SCG3: variants seen among roughly 807,000 people sequenced by gnomAD.
SCG3 encodes the protein secretogranin III.
Under a neutral mutation model 56.2 loss-of-function variants are expected in SCG3, and 38 were observed. The observed-to-expected ratio is 0.68, with a 90% CI of 0.52 to 0.89. SCG3 has a LOEUF of 0.89. SCG3 is among the 40% of genes least tolerant of loss of function. SCG3 has a pLI of 0.00. For synonymous variants in SCG3, 176 were observed against 184.2 expected (o/e 0.96, Z 0.36); for missense variants, 524 against 540.7 (o/e 0.97, Z 0.31).
Position 51,713,392 on chromosome 15 carries a change from G to A in SCG3, c.1267G>A (p.Asp423Asn), listed in dbSNP as rs781320264. The change falls in exon 11 of 12, where the codon GAC (aspartate) becomes AAC (asparagine). Residue 423 changes from aspartate to asparagine, a missense_variant. By Grantham distance (23) the Asp-to-Asn change is conservative. Coordinates refer to ENST00000220478, the MANE Select transcript of SCG3 (RefSeq NM_013243.4). ...AAATATTGAATGGTTGAAGAAACATGACAAAAAGGGAAATAAAGAAGGTAG... is the reference window on the plus strand; with the variant it reads ...AAATATTGAATGGTTGAAGAAACATAACAAAAAGGGAAATAAAGAAGGTAG... The part of the protein sequence containing the change: ...RKNIEWLKKH[D>N]KKGNKEDYDL... The A allele has an allele frequency of 6.2e-7, 1 of 1,600,782 alleles. No homozygotes were observed. The highest frequency in any genetic ancestry group is 8.5e-7 in the Non-Finnish European group (1 of 1,174,762).
intron 10 of SCG3, among the ~76,000 whole-genome samples, chr15:51,705,128 C>T (rs2055367330): frequency 6.6e-6 from 1 of 152,066 alleles, no homozygotes; most frequent in South Asian, 2.1e-4. Context: ...AGCATTACAG[C>T]TCACCTCAAC....
At chr15:51,704,240 C>CATATATATATATAT (rs1314214604) in intron 10 of SCG3, among the ~76,000 whole-genome samples, 40 of 58,756 alleles carry the variant, frequency 6.8e-4, no homozygotes, top group South Asian at 1.6e-3. Context: ...TACATACATA[C>CATATATATATATAT]ATACATATAT....
chr15:51,714,752 T>C (rs2055442561), intron 11 of SCG3, among the ~76,000 whole-genome samples: 1 of 152,218 alleles, frequency 6.6e-6, no homozygotes, highest in Non-Finnish European at 1.5e-5. Context: ...AAGAGGTATT[T>C]TCAGCACCCT....
rs2055205450 is a variant in SCG3 at position 51,683,122 on chromosome 15, C to A, written c.179C>A (p.Pro60Gln). 2.5e-6 allele frequency: 4 copies of A among 1,608,326 alleles called. No individual in the cohort carries two copies. Among genetic ancestry groups the A allele is most frequent in the Middle Eastern group, 1.7e-4 (1 of 6,018 alleles). ...GACAAGATTAAAAAAACATATCCTC[C>A]AGGTAAAAAGAAATCATATTGATGT... is the stretch of plus-strand genomic sequence containing the variant. ...EEDKIKKTYP[P>Q]ENKPGQSNYS... Residue 60 changes from proline to glutamine, a missense_variant and splice_region_variant, in exon 3 of 12, where the codon CCA becomes CAA. Transcript: ENST00000220478.
chr15:51,704,167 C>G (rs187917600), intron 10 of SCG3, among the ~76,000 whole-genome samples: 22 of 149,114 alleles, frequency 1.5e-4, no homozygotes, highest in African/African-American at 5.4e-4. Flanking sequence ...CACTTCCATT[C>G]AACCCTAGGT....
intron 11 of SCG3, among the ~76,000 whole-genome samples, chr15:51,717,195 C>T (rs2055462262): frequency 6.6e-6 from 1 of 152,080 alleles, no homozygotes; most frequent in South Asian, 2.1e-4. Flanking sequence ...TGGTGAACCT[C>T]CATCTCTACT....
chr15:51,702,723 T>C (rs1308482580), intron 10 of SCG3, among the ~76,000 whole-genome samples: 2 of 152,260 alleles, frequency 1.3e-5, no homozygotes, highest in Non-Finnish European at 2.9e-5. Context: ...AGTTACATCA[T>C]GGAAATTTAC....
chr15:51,699,230 T>C, intron 8 of SCG3, 89 bp from the exon 9 acceptor site: 1 of 892,768 alleles, frequency 1.1e-6, no homozygotes, highest in African/African-American at 1.7e-5. Flanking sequence ...GCTATTGTGA[T>C]ATTTCTGGTG....
At chr15:51,691,082 A>G (rs1421419857) in intron 6 of SCG3, among the ~76,000 whole-genome samples, 1 of 152,226 alleles carries the variant, frequency 6.6e-6, no homozygotes, top group Non-Finnish European at 1.5e-5. Flanking sequence ...TGCTTCCCTA[A>G]GGAAGTAACT....
intron 6 of SCG3, among the ~76,000 whole-genome samples, chr15:51,690,895 T>C (rs1476981803): frequency 6.6e-6 from 1 of 152,212 alleles, no homozygotes; most frequent in African/African-American, 2.4e-5. Flanking sequence ...GGAAATACCA[T>C]GCCTATTTAA....
intron 8 of SCG3, among the ~76,000 whole-genome samples, chr15:51,696,428 T>C (rs1474112958): frequency 6.6e-6 from 1 of 152,046 alleles, no homozygotes; most frequent in Non-Finnish European, 1.5e-5. Flanking sequence ...TGCATCCCTG[T>C]AGTTCCAGCT....
chr15:51,686,532 T>G (rs774704648), intron 4 of SCG3, among the ~76,000 whole-genome samples: 1 of 152,182 alleles, frequency 6.6e-6, no homozygotes, highest in Non-Finnish European at 1.5e-5. Flanking sequence ...CACCTCTGCA[T>G]AGACTGGGGC....
chr15:51,711,947 G>C (rs2055423652), intron 10 of SCG3, among the ~76,000 whole-genome samples: 1 of 152,122 alleles, frequency 6.6e-6, no homozygotes, highest in Non-Finnish European at 1.5e-5. Context: ...GAGTCACTTA[G>C]GTAAATACAG....
Position 51,703,459 on chromosome 15 carries a change from G to T in SCG3, c.1207+2215G>T, listed in dbSNP as rs573036019. 6.6e-5 allele frequency among the ~76,000 whole-genome samples: 10 copies of T among 152,318 alleles called. No homozygotes were observed. The South Asian group carries it at 2.1e-3, about 32-fold the overall frequency. Reference sequence around the variant, plus strand: ...TGTGTAAGTTATTTCAGTTGTCGTTGTTGGTGATGATGATGACTTTATGCC... The same window carrying T: ...TGTGTAAGTTATTTCAGTTGTCGTTTTTGGTGATGATGATGACTTTATGCC... On this transcript the variant is annotated intron_variant, in intron 10 of 11. Transcript: ENST00000220478.
chr15:51,689,501 C>A, intron 6 of SCG3, 133 bp downstream of exon 6: 1 of 1,167,046 alleles, frequency 8.6e-7, no homozygotes, highest in Non-Finnish European at 1.2e-6. Flanking sequence ...CATTTTTAGC[C>A]CATTTATATT....
chr15:51,689,509 A>G, intron 6 of SCG3, 141 bp downstream of exon 6: 2 of 1,103,876 alleles, frequency 1.8e-6, no homozygotes, highest in South Asian at 1.7e-5. Flanking sequence ...GCCCATTTAT[A>G]TTCAGGCCAG....
At chr15:51,684,384 C>A (rs1472939291) in intron 4 of SCG3, among the ~76,000 whole-genome samples, 1 of 152,206 alleles carries the variant, frequency 6.6e-6, no homozygotes, top group Non-Finnish European at 1.5e-5. Context: ...CAAGACCAAC[C>A]TGGCCAACAT....
rs189225150 is a variant in SCG3 at position 51,704,466 on chromosome 15, T to A, written c.1207+3222T>A. 2.8e-3 allele frequency among the ~76,000 whole-genome samples: 418 copies of A among 150,342 alleles called. 2 individuals are homozygous for A. Among genetic ancestry groups the A allele is most frequent in the African/African-American group, 9.9e-3 (407 of 41,254 alleles). ...AACTCTGTACCAATTAAACAACACT[T>A]TTCCATTCTTGCTGTCCCCACTCCA... On this transcript the variant is annotated intron_variant, in intron 10 of 11. Coordinates refer to ENST00000220478, the MANE Select transcript of SCG3 (RefSeq NM_013243.4).
chr15:51,683,431 C>A lies in SCG3; in HGVS notation c.394C>A (p.Gln132Lys). Residue 132 changes from glutamine (Q) to lysine (K), a missense_variant, in exon 4 of 12, where the codon CAA becomes AAA. Gln to Lys is a moderately conservative substitution (Grantham distance 53). Transcript: ENST00000220478. Reference protein sequence around the residue: ...STKSGLDHKFQDDPDGLHQLD... With the variant: ...STKSGLDHKFKDDPDGLHQLD... The stretch of plus-strand genomic sequence containing the variant: ...TAAGAGTGGATTGGATCATAAATTT[C>A]AAGGTAAATGAGAAAAAAAGAACTT... The A allele has an allele frequency of 6.3e-7, 1 of 1,589,940 alleles. No individual in the cohort carries two copies. Among genetic ancestry groups the A allele is most frequent in the Non-Finnish European group, 8.5e-7 (1 of 1,170,534 alleles).
Sources: gnomAD v4.1 joint callset for allele counts (sites outside exome capture counted in the v4.1 genomes callset) on GRCh38, gnomAD v4.1.1 for gene constraint, MANE v1.5 for transcripts, NCBI Gene and HGNC (gene_info 2026-07-23, HGNC 2026-07-21) for gene names.